Variants in ELF5 observed in about 807,000 individuals in gnomAD.
The protein encoded by ELF5 is ETS-related transcription factor Elf-5.
ELF5 carries 31 observed loss-of-function variants against 38.2 expected under a neutral mutation model. The ratio of observed to expected loss-of-function variants is 0.81; its 90% CI spans 0.61 to 1.10. The LOEUF (loss-of-function observed/expected upper bound fraction) is 1.10, where lower values mean the gene tolerates loss of function less well. ELF5 is among the 50% of genes least tolerant of loss of function. The pLI, the probability that ELF5 is intolerant of heterozygous loss-of-function variation, is 0.00. For missense variants in ELF5, 300 were observed against 306.6 expected, an observed-to-expected ratio of 0.98 and a Z score of 0.16; for synonymous variants, 121 against 112.5, an observed-to-expected ratio of 1.08 and a Z score of -0.48.
intron 2 of ELF5, among the ~76,000 whole-genome samples, chr11:34,501,724 A>G (rs1362544594): frequency 6.6e-6 from 1 of 152,104 alleles, no homozygotes; most frequent in African/African-American, 2.4e-5. Flanking sequence ...CCTGCAGTGC[A>G]GCCAAGCAGA....
intron 5 of ELF5, among the ~76,000 whole-genome samples, chr11:34,482,144 T>A: frequency 6.6e-6 from 1 of 152,242 alleles, no homozygotes. Context: ...ACAACTACGA[T>A]CATGTCTTTC....
intron 4 of ELF5, among the ~76,000 whole-genome samples, chr11:34,485,432 A>C (rs1224189814): frequency 6.6e-6 from 1 of 152,264 alleles, no homozygotes; most frequent in Non-Finnish European, 1.5e-5. Flanking sequence ...TTTTAGGAGA[A>C]GAGAAAACAA....
At chr11:34,500,047 T>C (rs1463224046) in intron 2 of ELF5, among the ~76,000 whole-genome samples, 1 of 152,102 alleles carries the variant, frequency 6.6e-6, no homozygotes, top group African/African-American at 2.4e-5. Context: ...AAGTTTTCAG[T>C]ATAAGTCACC....
intron 1 of ELF5, among the ~76,000 whole-genome samples, chr11:34,508,662 C>G (rs1392525705): frequency 3.9e-5 from 6 of 152,194 alleles, no homozygotes; most frequent in Admixed American, 6.5e-5. Context: ...AAGTTTGCAA[C>G]CCCTAACCAG....
At chr11:34,492,759 T>C (rs974689637) in intron 3 of ELF5, 1 of 152,912 alleles carries the variant, frequency 6.5e-6, no homozygotes, top group Non-Finnish European at 1.5e-5. Flanking sequence ...TAGCTCGGAG[T>C]ATTGGAGCCA....
chr11:34,503,457 CT>C (rs1255492193), intron 2 of ELF5, among the ~76,000 whole-genome samples: 2 of 146,574 alleles, frequency 1.4e-5, no homozygotes, highest in East Asian at 4.1e-4. Flanking sequence ...ACCATGCCTG[CT>C]CCCCAACCTT....
intron 2 of ELF5, among the ~76,000 whole-genome samples, chr11:34,495,596 G>A (rs1048819696): frequency 1.3e-5 from 2 of 152,240 alleles, no homozygotes; most frequent in African/African-American, 2.4e-5. Flanking sequence ...AAGGGTGGGT[G>A]GAGGGGCAGT....
chr11:34,511,240 T>G (rs191840543), intron 1 of ELF5, among the ~76,000 whole-genome samples: 104 of 152,296 alleles, frequency 6.8e-4, no homozygotes, highest in Non-Finnish European at 1.2e-3. Context: ...GAACTTTTAG[T>G]GCTGAAAAAG....
chr11:34,480,869 T>G lies in ELF5; in HGVS notation c.574A>C (p.Ile192Leu). ...ILEWEDREQG[I>L]FRVVKSEALA... ...GCTTCCGATTTAACCACCCGAAAAA[T>G]TCCTTGTTCCCTATCTTCCCATTCC... Residue 192 changes from isoleucine (I) to leucine (L), a missense_variant, in exon 6 of 7, where the codon ATT becomes CTT. Ile to Leu is a conservative substitution (Grantham distance 5). Coordinates refer to ENST00000257832, the MANE Select transcript of ELF5 (RefSeq NM_001422.4). 14 of 1,614,108 alleles carry G rather than the reference T, an allele frequency of 8.7e-6. No individual in the cohort carries two copies. The highest frequency in any genetic ancestry group is 1.2e-5 in the Non-Finnish European group (14 of 1,180,012).
At chr11:34,498,016 G>A (rs1269370626) in intron 2 of ELF5, among the ~76,000 whole-genome samples, 1 of 152,162 alleles carries the variant, frequency 6.6e-6, no homozygotes, top group Non-Finnish European at 1.5e-5. Flanking sequence ...GGAGGTGAAG[G>A]TATTAGCTCC....
At chr11:34,501,318 A>G (rs16925678) in intron 2 of ELF5, among the ~76,000 whole-genome samples, 21,260 of 152,220 alleles carry the variant, frequency 0.14, 1,632 homozygotes, top group Admixed American at 0.21. Context: ...AAAGCCTCTC[A>G]GGAACCTCAG....
At position 34,488,475 on chromosome 11, in the gene ELF5, T is replaced by C. The variant is rs575646390; in HGVS notation, c.406+1534A>G. The stretch of plus-strand genomic sequence containing the variant: ...GGCTATAGCACTAGGGCTTGTCTCA[T>C]ATTGGGAAGATTACCTGACACAATG... On this transcript the variant is annotated intron_variant, in intron 4 of 6. Coordinates refer to ENST00000257832, the MANE Select transcript of ELF5 (RefSeq NM_001422.4). Among the ~76,000 whole-genome samples the C allele has an allele frequency of 4.6e-4, 70 of 152,306 alleles. 1 individual carries two copies. Among genetic ancestry groups the C allele is most frequent in the Non-Finnish European group, 8.1e-4 (55 of 68,024 alleles).
intron 3 of ELF5, 46 bp downstream of exon 3, chr11:34,493,433 C>T (rs1373678837): frequency 6.4e-7 from 1 of 1,572,392 alleles, no homozygotes; most frequent in East Asian, 2.3e-5. Flanking sequence ...TTGTTTGGTC[C>T]TAATCCTGGT....
chr11:34,489,793 G>A (rs1216054136), intron 4 of ELF5, among the ~76,000 whole-genome samples: 1 of 152,124 alleles, frequency 6.6e-6, no homozygotes, highest in South Asian at 2.1e-4. Flanking sequence ...AGTCTCAGAC[G>A]ATAAGCAATC....
chr11:34,486,859 T>C (rs1398035093), intron 4 of ELF5, among the ~76,000 whole-genome samples: 4 of 152,238 alleles, frequency 2.6e-5, no homozygotes, highest in African/African-American at 9.6e-5. Context: ...AATGGGAACA[T>C]TGCTGAAAGC....
At chr11:34,483,716 T>C (rs1020309202) in intron 4 of ELF5, among the ~76,000 whole-genome samples, 2 of 151,922 alleles carry the variant, frequency 1.3e-5, no homozygotes, top group Admixed American at 6.6e-5. Flanking sequence ...CTATATTAAC[T>C]ATGCTATACT....
intron 2 of ELF5, among the ~76,000 whole-genome samples, chr11:34,498,031 A>G (rs16925668): frequency 0.13 from 20,062 of 152,220 alleles, 1,478 homozygotes; most frequent in Admixed American, 0.21. Flanking sequence ...AGCTCCAGGA[A>G]GCTCCTTGAA....
chr11:34,484,416 C>CTATACTAACTATACTGCACTGTACTGTAG (rs1857022280), intron 4 of ELF5, among the ~76,000 whole-genome samples: 1 of 151,470 alleles, frequency 6.6e-6, no homozygotes, highest in Non-Finnish European at 1.5e-5. Context: ...CTGCACTATA[C>CTATACTAACTATACTGCACTGTACTGTAG]TATACTAACT....
Position 34,505,589 on chromosome 11 carries a change from T to G in ELF5, c.121+40A>C, listed in dbSNP as rs368968917. The G allele has an allele frequency of 5.1e-5, 82 of 1,611,210 alleles. No homozygotes were observed. The African/African-American group carries it at 1.0e-3, about 20-fold the overall frequency. ...CAGCACCACCTCCTGCCCTAGCCCA[T>G]CCTGGCTGCACTCAGATGGGCTCCT... On this transcript the variant is annotated intron_variant, in intron 2 of 6. Transcript: ENST00000257832.
Sources: allele counts gnomAD v4.1 joint callset (sites outside exome capture counted in the v4.1 genomes callset), GRCh38; gene constraint gnomAD v4.1.1; transcripts MANE v1.5; gene names NCBI Gene and HGNC (gene_info 2026-07-23, HGNC 2026-07-21).